Variants in PIWIL3 observed in about 807,000 individuals in gnomAD.
The protein encoded by PIWIL3 is piwi-like protein 3.
Under a neutral mutation model 109.7 loss-of-function variants are expected in PIWIL3, and 101 were observed. The ratio of observed to expected loss-of-function variants is 0.92; its 90% CI spans 0.78 to 1.09. PIWIL3 has a LOEUF of 1.09. Among genes scored for constraint, PIWIL3 ranks in the 50% least tolerant of loss-of-function variants. The pLI is 0.00. For synonymous variants in PIWIL3, 373 were observed against 376.4 expected, an observed-to-expected ratio of 0.99 and a Z score of 0.10; for missense variants, 1,031 against 1,072.6, an observed-to-expected ratio of 0.96 and a Z score of 0.54.
In PIWIL3 at chr22:24,773,392, G is replaced by A. The variant is rs189649972; in HGVS notation, c.-23+930C>T. ...TTTTCCTGTCTGCAGTGGAGGTCCC[G>A]GCAGGACCCCCTCCTGAGCTGTGAG... On this transcript the variant is annotated intron_variant, in intron 1 of 20. Transcript: ENST00000616349. Among the ~76,000 whole-genome samples the A allele has an allele frequency of 1.6e-3, 239 of 152,142 alleles. 2 individuals are homozygous for A. The highest frequency in any genetic ancestry group is 5.2e-3 in the African/African-American group (216 of 41,480).
At chr22:24,773,216 C>A (rs910037360) in intron 1 of PIWIL3, among the ~76,000 whole-genome samples, 1 of 152,158 alleles carries the variant, frequency 6.6e-6, no homozygotes, top group Non-Finnish European at 1.5e-5. Context: ...TGCTGTGATG[C>A]TCCATTCCAA....
chr22:24,727,111 G>A (rs1923043653), intron 16 of PIWIL3, among the ~76,000 whole-genome samples: 1 of 152,194 alleles, frequency 6.6e-6, no homozygotes, highest in Non-Finnish European at 1.5e-5. Context: ...ATGTTTCCAT[G>A]TCTCTTTACC....
At position 24,761,074 on chromosome 22, in the gene PIWIL3, G is replaced by A. The variant is rs536993533; in HGVS notation, c.103-1085C>T. On this transcript the variant is annotated intron_variant, in intron 2 of 20. Transcript: ENST00000616349. The stretch of plus-strand genomic sequence containing the variant: ...GGAAGAATGGAAGTCCTTCTGATGA[G>A]GTGGGTATGGCATGCTGGGGAGGGC... 2.0e-5 allele frequency among the ~76,000 whole-genome samples: 3 copies of A among 152,272 alleles called. No individual in the cohort carries two copies. In the East Asian group the frequency reaches 5.8e-4, roughly 29 times the overall value.
At chr22:24,771,233 C>T (rs971307692) in intron 1 of PIWIL3, among the ~76,000 whole-genome samples, 5 of 152,000 alleles carry the variant, frequency 3.3e-5, no homozygotes, top group Middle Eastern at 3.4e-3. Flanking sequence ...GAGGCTGAGG[C>T]GAGCGAATCA....
At chr22:24,752,212 T>C (rs1924752137) in intron 8 of PIWIL3, among the ~76,000 whole-genome samples, 1 of 152,196 alleles carries the variant, frequency 6.6e-6, no homozygotes, top group Non-Finnish European at 1.5e-5. Context: ...AAATCATTTT[T>C]CTAACAAAAA....
At chr22:24,768,570 C>T (rs1436060361) in intron 1 of PIWIL3, among the ~76,000 whole-genome samples, 1 of 152,076 alleles carries the variant, frequency 6.6e-6, no homozygotes, top group Non-Finnish European at 1.5e-5. Context: ...CTTTTTCATT[C>T]TGCAGACATC....
At chr22:24,762,563 T>C in intron 1 of PIWIL3, 42 bp from the exon 2 acceptor site, 2 of 1,497,730 alleles carry the variant, frequency 1.3e-6, no homozygotes, top group Non-Finnish European at 1.8e-6. Context: ...TGGAGTTGCC[T>C]GGTGTCTTAC....
In PIWIL3 at chr22:24,749,581, A is replaced by G. The variant is rs562508325; in HGVS notation, c.1217-60T>C. Reference sequence around the variant, plus strand: ...CATGAATTTGAGTGAGGACTAAATTATAACAGCTGGAGGAACCTACTACCA... The same window carrying G: ...CATGAATTTGAGTGAGGACTAAATTGTAACAGCTGGAGGAACCTACTACCA... On this transcript the variant is annotated intron_variant, in intron 10 of 20. Transcript: ENST00000616349. The G allele has an allele frequency of 9.4e-5, 152 of 1,610,786 alleles. 1 individual carries two copies. The highest frequency in any genetic ancestry group is 1.3e-4 in the Non-Finnish European group (148 of 1,178,326).
intron 8 of PIWIL3, among the ~76,000 whole-genome samples, chr22:24,753,032 A>G (rs927405508): frequency 2.0e-5 from 3 of 152,212 alleles, no homozygotes; most frequent in African/African-American, 4.8e-5. Flanking sequence ...GTTGTCTCTC[A>G]AGTATTGTTT....
chr22:24,728,192 C>G lies in PIWIL3; in HGVS notation c.1890G>C (p.Trp630Cys). Reference sequence around the variant, plus strand: ...TACAACATACGTCTGTCTCCACCTTCCAGAGGGCTCCTCCCATCTTGCAAT... The same window carrying G: ...TACAACATACGTCTGTCTCCACCTTGCAGAGGGCTCCTCCCATCTTGCAAT... ...QMNCKMGGAL[W>C]KVETDVQRTM... Residue 630 changes from tryptophan to cysteine, a missense_variant, in exon 15 of 21, where the codon TGG becomes TGC. Physicochemically the swap from Trp to Cys is radical, Grantham distance 215. Coordinates refer to ENST00000616349, the MANE Select transcript of PIWIL3 (RefSeq NM_001255975.1). 1 of 1,614,210 alleles carries G rather than the reference C, an allele frequency of 6.2e-7. No individual in the cohort carries two copies. The highest frequency in any genetic ancestry group is 2.2e-5 in the East Asian group (1 of 44,878).
intron 1 of PIWIL3, among the ~76,000 whole-genome samples, chr22:24,769,397 G>C (rs1925992542): frequency 6.6e-6 from 1 of 152,162 alleles, no homozygotes; most frequent in Non-Finnish European, 1.5e-5. Flanking sequence ...TGGATCACAA[G>C]GTCAGGAGAT....
intron 8 of PIWIL3, among the ~76,000 whole-genome samples, chr22:24,752,682 C>T (rs1924784500): frequency 6.6e-6 from 1 of 152,124 alleles, no homozygotes; most frequent in Admixed American, 6.5e-5. Flanking sequence ...AGACAAACCT[C>T]ATATATTTCC....
chr22:24,728,311 T>C lies in PIWIL3; in HGVS notation c.1771A>G (p.Thr591Ala), dbSNP rs750045973. 8.1e-6 allele frequency: 13 copies of C among 1,614,214 alleles called. No homozygotes were observed. The East Asian group carries it at 2.0e-4, about 25-fold the overall frequency. The stretch of plus-strand genomic sequence containing the variant: ...CACTGGCTTGGAATTGGGCATTTGG[T>C]ACATAGGTATCTTTTTATGCTGTCA... ...RYDSIKRYLC[T>A]KCPIPSQCVV... Residue 591 changes from threonine to alanine, a missense_variant, in exon 15 of 21, where the codon ACC becomes GCC. Coordinates refer to ENST00000616349, the MANE Select transcript of PIWIL3 (RefSeq NM_001255975.1).
intron 10 of PIWIL3, 68 bp from the exon 11 acceptor site, chr22:24,749,589 T>G (rs746053924): frequency 6.2e-7 from 1 of 1,610,520 alleles, no homozygotes; most frequent in Non-Finnish European, 8.5e-7. Flanking sequence ...TTATAACAGC[T>G]GGAGGAACCT....
rs537860878 is a variant in PIWIL3, at chr22:24,754,169, G to A, written c.822C>T (p.Tyr274=). ...CGGCACAGAGGGTAATGCTGTTTTC[G>A]TATTGAAGAACAGAAGTAACATAAC... The part of the protein sequence containing the change: ...WLGYVTSVLQ[Y]ENSITLCADV... The change falls in exon 8 of 21, where the codon TAC becomes TAT. Residue 274 remains tyrosine, a synonymous_variant. Transcript: ENST00000616349. 74 of 1,614,016 alleles carry A rather than the reference G, an allele frequency of 4.6e-5. No homozygotes were observed. Among genetic ancestry groups the A allele is most frequent in the South Asian group, 4.0e-4 (36 of 91,068 alleles).
intron 12 of PIWIL3, among the ~76,000 whole-genome samples, chr22:24,736,559 C>T (rs1402940092): frequency 6.6e-6 from 1 of 152,176 alleles, no homozygotes; most frequent in Non-Finnish European, 1.5e-5. Flanking sequence ...CTCCACTGAT[C>T]ATCCCTACAA....
chr22:24,762,780 A>C (rs1368975324), intron 1 of PIWIL3, among the ~76,000 whole-genome samples: 2 of 152,168 alleles, frequency 1.3e-5, no homozygotes, highest in African/African-American at 4.8e-5. Context: ...GGGAAACGAG[A>C]AACTGAGGAG....
chr22:24,760,847 G>T (rs1925394772), intron 2 of PIWIL3, among the ~76,000 whole-genome samples: 1 of 145,658 alleles, frequency 6.9e-6, no homozygotes, highest in Non-Finnish European at 1.5e-5. Context: ...GAACTAATTT[G>T]TCAGGTTCCA....
In PIWIL3 at chr22:24,725,481, C is replaced by A. The variant is rs754794346; in HGVS notation, c.2044G>T (p.Glu682Ter). ...YSQCVIQKTGEELVKELEICL... is the reference protein window; with the variant it reads ...YSQCVIQKTG ...ATCTCCAGCTCTTTCACAAGCTCTT[C>A]TCCTGTTTTCTGGATGACACATTGA... The change falls in exon 17 of 21, where the codon GAA becomes TAA. Residue 682 changes from glutamate to a stop codon, truncating the protein, a stop_gained. Coordinates refer to ENST00000616349, the MANE Select transcript of PIWIL3 (RefSeq NM_001255975.1). LOFTEE classifies it high-confidence loss of function. The A allele has an allele frequency of 3.7e-6, 6 of 1,614,064 alleles. No individual in the cohort carries two copies. The highest frequency in any genetic ancestry group is 5.1e-6 in the Non-Finnish European group (6 of 1,180,052).
Sources: gnomAD v4.1 joint callset for allele counts (sites outside exome capture counted in the v4.1 genomes callset) on GRCh38, gnomAD v4.1.1 for gene constraint, MANE v1.5 for transcripts, NCBI Gene and HGNC (gene_info 2026-07-23, HGNC 2026-07-21) for gene names.